The following CCDC178 variants were observed in gnomAD, a reference collection of about 807,000 sequenced individuals.
CCDC178 encodes coiled-coil domain-containing protein 178.
CCDC178 carries 126 observed loss-of-function variants against 117.4 expected under a neutral mutation model. The observed-to-expected ratio is 1.07, with a 90% CI of 0.93 to 1.24. The LOEUF (loss-of-function observed/expected upper bound fraction) is 1.24, where lower values mean the gene tolerates loss of function less well. Ranked by LOEUF, CCDC178 falls within the 50% of genes most tolerant of loss-of-function variation. The probability of loss-of-function intolerance (pLI) is 0.00; values close to 1 mark genes in which losing one functional copy is unlikely to be tolerated. For missense variants in CCDC178, 1,030 were observed against 986.9 expected, an observed-to-expected ratio of 1.04 and a Z score of -0.59; for synonymous variants, 283 against 313.4, an observed-to-expected ratio of 0.90 and a Z score of 1.02.
intron 21 of CCDC178, among the ~76,000 whole-genome samples, chr18:33,042,606 A>G (rs1227665588): frequency 1.3e-5 from 2 of 152,078 alleles, no homozygotes; most frequent in East Asian, 1.9e-4. Flanking sequence ...GGGAATGACA[A>G]TATGAATATG....
chr18:32,993,596 C>T (rs1342809537), intron 21 of CCDC178, among the ~76,000 whole-genome samples: 2 of 152,172 alleles, frequency 1.3e-5, no homozygotes, highest in African/African-American at 4.8e-5. Context: ...GGCCAAGCCC[C>T]AGTTTTGGGG....
chr18:33,338,570 A>C (rs1462139331), intron 9 of CCDC178, among the ~76,000 whole-genome samples: 1 of 152,202 alleles, frequency 6.6e-6, no homozygotes, highest in Non-Finnish European at 1.5e-5. Flanking sequence ...TCAGACATAC[A>C]AAGGAATAAA....
intron 2 of CCDC178, among the ~76,000 whole-genome samples, chr18:33,432,806 A>G (rs964079212): frequency 6.6e-6 from 1 of 152,204 alleles, no homozygotes; most frequent in Non-Finnish European, 1.5e-5. Context: ...GGTATCAAGA[A>G]ACAGCTGCCT....
At chr18:33,369,026 T>A (rs578082769) in intron 6 of CCDC178, among the ~76,000 whole-genome samples, 11 of 152,058 alleles carry the variant, frequency 7.2e-5, no homozygotes, top group African/African-American at 2.4e-4. Flanking sequence ...CAAATATTAA[T>A]TTCTGCTCTT....
intron 17 of CCDC178, among the ~76,000 whole-genome samples, chr18:33,223,475 G>A (rs2095046502): frequency 6.6e-6 from 1 of 151,982 alleles, no homozygotes; most frequent in African/African-American, 2.4e-5. Context: ...TACATAGAAA[G>A]TATGAATATT....
chr18:33,308,591 G>C (rs938333490), intron 11 of CCDC178, among the ~76,000 whole-genome samples: 1 of 152,130 alleles, frequency 6.6e-6, no homozygotes, highest in Non-Finnish European at 1.5e-5. Flanking sequence ...CATGAGATTT[G>C]GGAGGGGCCA....
At chr18:33,297,839 A>G (rs1054545644) in intron 11 of CCDC178, among the ~76,000 whole-genome samples, 1 of 152,098 alleles carries the variant, frequency 6.6e-6, no homozygotes, top group African/African-American at 2.4e-5. Flanking sequence ...CAGGAGATGG[A>G]GACCATCCTG....
intron 21 of CCDC178, among the ~76,000 whole-genome samples, chr18:33,021,576 T>G (rs1030950111): frequency 6.6e-6 from 1 of 152,048 alleles, no homozygotes; most frequent in Non-Finnish European, 1.5e-5. Flanking sequence ...ACAAAACTTT[T>G]CCCTTGACTA....
At chr18:33,141,300 T>C (rs991567118) in intron 20 of CCDC178, among the ~76,000 whole-genome samples, 7 of 152,144 alleles carry the variant, frequency 4.6e-5, no homozygotes, top group African/African-American at 4.8e-5. Context: ...GGGCTACTTA[T>C]AGTTAGTTAT....
At chr18:33,096,942 G>A (rs181762784) in intron 20 of CCDC178, among the ~76,000 whole-genome samples, 8 of 152,162 alleles carry the variant, frequency 5.3e-5, no homozygotes, top group Admixed American at 3.9e-4. Context: ...ATTATTATCC[G>A]CATGTCACAG....
At chr18:33,411,352 GTCT>G (rs1291072004) in intron 3 of CCDC178, among the ~76,000 whole-genome samples, 3 of 152,032 alleles carry the variant, frequency 2.0e-5, no homozygotes, top group African/African-American at 7.2e-5. Flanking sequence ...ATTCCTTATT[GTCT>G]TCTTTTTTCT....
intron 11 of CCDC178, among the ~76,000 whole-genome samples, chr18:33,320,088 T>C (rs1266184580): frequency 1.3e-5 from 2 of 152,146 alleles, no homozygotes; most frequent in African/African-American, 4.8e-5. Context: ...TGATGGGACA[T>C]ATCTCAAAAT....
chr18:33,204,418 T>C (rs1051471881), intron 20 of CCDC178, among the ~76,000 whole-genome samples: 7 of 152,278 alleles, frequency 4.6e-5, no homozygotes, highest in Admixed American at 2.0e-4. Flanking sequence ...TCTGTAGTTT[T>C]TGAAAAGAAA....
At chr18:33,187,559 C>T (rs1049494455) in intron 20 of CCDC178, among the ~76,000 whole-genome samples, 1 of 152,000 alleles carries the variant, frequency 6.6e-6, no homozygotes, top group Non-Finnish European at 1.5e-5. Flanking sequence ...CAAAATGTGA[C>T]CTTTAAGTAT....
intron 20 of CCDC178, among the ~76,000 whole-genome samples, chr18:33,097,955 C>T (rs898133940): frequency 1.3e-5 from 2 of 151,954 alleles, no homozygotes. Context: ...TGACGCATTC[C>T]CTGGCAAGAC....
At chr18:32,991,090 A>G (rs2055379507) in intron 21 of CCDC178, among the ~76,000 whole-genome samples, 1 of 151,948 alleles carries the variant, frequency 6.6e-6, no homozygotes, top group Admixed American at 6.6e-5. Flanking sequence ...TTTACATTCA[A>G]TATCTTAGTT....
chr18:33,059,861 G>T (rs141071947), intron 21 of CCDC178, among the ~76,000 whole-genome samples: 1 of 152,032 alleles, frequency 6.6e-6, no homozygotes, highest in Non-Finnish European at 1.5e-5. Context: ...TCTTCCCATT[G>T]TCTGTGGAAT....
At chr18:33,429,214 A>G (rs1292843772) in intron 2 of CCDC178, among the ~76,000 whole-genome samples, 1 of 152,206 alleles carries the variant, frequency 6.6e-6, no homozygotes, top group Admixed American at 6.5e-5. Context: ...ATAAATAGTT[A>G]GAAAAATCAG....
intron 4 of CCDC178, among the ~76,000 whole-genome samples, chr18:33,392,201 C>G (rs1438142864): frequency 6.6e-6 from 1 of 152,074 alleles, no homozygotes; most frequent in Non-Finnish European, 1.5e-5. Context: ...AAAAAATCTT[C>G]CTTATATATC....
Sources: allele counts gnomAD v4.1 joint callset (sites outside exome capture counted in the v4.1 genomes callset), GRCh38; gene constraint gnomAD v4.1.1; transcripts MANE v1.5; gene names NCBI Gene and HGNC (gene_info 2026-07-23, HGNC 2026-07-21).